The following GPR55 variants were observed in gnomAD, a reference collection of about 807,000 sequenced individuals.
GPR55 encodes G protein-coupled receptor 55, also known as G-protein coupled receptor 55.
Under a neutral mutation model 7.9 loss-of-function variants are expected in GPR55, and 6 were observed. The ratio of observed to expected loss-of-function variants is 0.76; its 90% CI spans 0.41 to 1.49. The LOEUF (loss-of-function observed/expected upper bound fraction) is 1.49, where lower values mean the gene tolerates loss of function less well. GPR55 is among the 40% of genes most tolerant of loss of function. The pLI is 0.01. For missense variants in GPR55, 376 were observed against 406.0 expected, an observed-to-expected ratio of 0.93 and a Z score of 0.63; for synonymous variants, 183 against 166.8, an observed-to-expected ratio of 1.10 and a Z score of -0.75.
At chr2:230,932,720 T>G (rs1480372915) in intron 1 of GPR55, among the ~76,000 whole-genome samples, 2 of 152,172 alleles carry the variant, frequency 1.3e-5, no homozygotes, top group African/African-American at 2.4e-5. Flanking sequence ...GCCGTCATCC[T>G]AAACCAGGCC....
At chr2:230,920,563 C>T (rs1010330503) in intron 1 of GPR55, among the ~76,000 whole-genome samples, 1 of 152,082 alleles carries the variant, frequency 6.6e-6, no homozygotes, top group Non-Finnish European at 1.5e-5. Context: ...ATGTGTATTA[C>T]ATAAGCAGTA....
chr2:230,930,819 A>G (rs1488933647), intron 1 of GPR55, among the ~76,000 whole-genome samples: 1 of 152,212 alleles, frequency 6.6e-6, no homozygotes, highest in East Asian at 1.9e-4. Context: ...GTTCGTCTCC[A>G]TGAATTATCC....
chr2:230,909,857 C>A lies in GPR55; in HGVS notation c.*146G>T. 4.8e-6 allele frequency: 4 copies of A among 833,358 alleles called. No individual in the cohort carries two copies. Among genetic ancestry groups the A allele is most frequent in the Non-Finnish European group, 7.7e-6 (4 of 522,766 alleles). 51.6% of individuals were successfully genotyped at this position (833,358 alleles called of 1,614,324 possible). On this transcript the variant is annotated 3_prime_UTR_variant, in exon 2 of 2. Coordinates refer to ENST00000650999, the MANE Select transcript of GPR55 (RefSeq NM_005683.4). ...AAAAAGGTCTTTGGGGTATAATGAG[C>A]AAAGCTGGCACTCAATGGGCATCAA...
At chr2:230,949,770 T>G (rs1218788392) in intron 1 of GPR55, among the ~76,000 whole-genome samples, 2 of 152,308 alleles carry the variant, frequency 1.3e-5, no homozygotes, top group Middle Eastern at 6.8e-3. Context: ...GCCAACCATC[T>G]TTCATAAAGC....
chr2:230,910,504 G>T lies in GPR55; in HGVS notation c.459C>A (p.Ser153Arg). The T allele has an allele frequency of 6.2e-7, 1 of 1,614,138 alleles. No homozygotes were observed. The highest frequency in any genetic ancestry group is 1.3e-5 in the African/African-American group (1 of 75,042). The change falls in exon 2 of 2, where the codon AGC (serine) becomes AGA (arginine). Residue 153 changes from serine to arginine, a missense_variant. Ser to Arg is a moderately radical substitution (Grantham distance 110). Coordinates refer to ENST00000650999, the MANE Select transcript of GPR55 (RefSeq NM_005683.4). The surrounding 1 kb of genome is among the most constrained non-coding windows in gnomAD (Gnocchi z 5.4). Reference protein sequence around the residue: ...CTIWVLVWTGSIPIYSFHGKV... With the variant: ...CTIWVLVWTGRIPIYSFHGKV... The stretch of plus-strand genomic sequence containing the variant: ...TCCCATGGAAACTGTAGATAGGGAT[G>T]CTTCCGGTCCACACCAGGACCCAGA...
chr2:230,957,765 A>G (rs1691514902), intron 1 of GPR55: 2 of 553,508 alleles, frequency 3.6e-6, no homozygotes, highest in East Asian at 9.9e-5. Context: ...GAATTAGAAA[A>G]TCATGTGATG....
intron 1 of GPR55, among the ~76,000 whole-genome samples, chr2:230,936,540 C>G (rs1161401652): frequency 1.3e-5 from 2 of 152,194 alleles, no homozygotes; most frequent in Admixed American, 6.5e-5. Context: ...AACTGTGAGT[C>G]AATTAAACCT....
At chr2:230,945,612 G>A (rs1239917131) in intron 1 of GPR55, among the ~76,000 whole-genome samples, 4 of 152,140 alleles carry the variant, frequency 2.6e-5, no homozygotes, top group East Asian at 3.9e-4. Flanking sequence ...TCGCTCTGTC[G>A]CCCAGGCTGG....
chr2:230,926,414 CT>C (rs1176222145), upstream of GPR55, among the ~76,000 whole-genome samples: 1 of 152,244 alleles, frequency 6.6e-6, no homozygotes, highest in Non-Finnish European at 1.5e-5. Context: ...GGCCCCCCTA[CT>C]GGGCCACCAG....
chr2:230,950,126 C>T (rs1691377867), intron 1 of GPR55, among the ~76,000 whole-genome samples: 1 of 152,268 alleles, frequency 6.6e-6, no homozygotes, highest in Admixed American at 6.5e-5. Flanking sequence ...CACGCCCAGC[C>T]AGTTTCTTTG....
At chr2:230,942,360 G>A (rs556933810) in intron 1 of GPR55, among the ~76,000 whole-genome samples, 11 of 152,276 alleles carry the variant, frequency 7.2e-5, no homozygotes, top group African/African-American at 2.2e-4. Context: ...CAGAGCAGCT[G>A]AGAGAGAGAA....
chr2:230,917,687 A>G (rs1690747539), intron 1 of GPR55, among the ~76,000 whole-genome samples: 1 of 151,942 alleles, frequency 6.6e-6, no homozygotes, highest in Admixed American at 6.6e-5. Context: ...GCTTGTGCCT[A>G]TAGTTCCAGC....
intron 1 of GPR55, among the ~76,000 whole-genome samples, chr2:230,946,963 A>G (rs2125068168): frequency 6.6e-6 from 1 of 152,346 alleles, no homozygotes; most frequent in Middle Eastern, 3.4e-3. Context: ...GTGAACCCCA[A>G]AAAGTAAATA....
intron 1 of GPR55, among the ~76,000 whole-genome samples, chr2:230,934,644 G>C (rs984923939): frequency 1.3e-5 from 2 of 152,146 alleles, no homozygotes; most frequent in Admixed American, 1.3e-4. Flanking sequence ...GCCTCCCCTG[G>C]GGAAGATTAG....
At chr2:230,931,839 C>T (rs776742749) in intron 1 of GPR55, among the ~76,000 whole-genome samples, 2 of 152,112 alleles carry the variant, frequency 1.3e-5, no homozygotes, top group East Asian at 3.9e-4. Context: ...CCAGTCCATT[C>T]GCCTGCTTGC....
chr2:230,936,759 C>T (rs1691139760), intron 1 of GPR55, among the ~76,000 whole-genome samples: 5 of 151,742 alleles, frequency 3.3e-5, no homozygotes. Flanking sequence ...AGGATTATCC[C>T]CAGAGATAAG....
At chr2:230,940,615 G>A (rs115809174) in intron 1 of GPR55, among the ~76,000 whole-genome samples, 3,709 of 152,280 alleles carry the variant, frequency 0.024, 140 homozygotes, top group African/African-American at 0.085. Flanking sequence ...CTGTTTGTGA[G>A]CTCTCAGGGG....
Position 230,909,950 on chromosome 2 carries a change from G to C in GPR55, c.*53C>G. ...ATCAAAACCCTGGAACGCGATATCC[G>C]TTACCAGAATTCAGGGCCAGGGCTT... On this transcript the variant is annotated 3_prime_UTR_variant, in exon 2 of 2. Transcript: ENST00000650999. 1.3e-6 allele frequency: 2 copies of C among 1,545,932 alleles called. No homozygotes were observed. The highest frequency in any genetic ancestry group is 1.8e-6 in the Non-Finnish European group (2 of 1,137,072).
At chr2:230,949,153 T>TTTTTTTTG (rs1553543963) in intron 1 of GPR55, among the ~76,000 whole-genome samples, 1 of 151,350 alleles carries the variant, frequency 6.6e-6, no homozygotes, top group African/African-American at 2.4e-5. Context: ...ATGGCTCTTT[T>TTTTTTTTG]TTTGTTTGTT....
Sources: gnomAD v4.1 joint callset for allele counts (sites outside exome capture counted in the v4.1 genomes callset) on GRCh38, gnomAD v4.1.1 for gene constraint, Gnocchi (gnomAD v3.1) non-coding constraint, MANE v1.5 for transcripts, NCBI Gene and HGNC (gene_info 2026-07-23, HGNC 2026-07-21) for gene names.